Variants in PAM observed in about 807,000 individuals in gnomAD.
PAM encodes peptidyl-glycine alpha-amidating monooxygenase.
A neutral mutation model predicts 122.1 loss-of-function variants in PAM; 72 were observed. The observed-to-expected ratio is 0.59, with a 90% CI of 0.49 to 0.72. PAM has a LOEUF of 0.72. Among genes scored for constraint, PAM ranks in the 30% least tolerant of loss-of-function variants. The probability of loss-of-function intolerance (pLI) is 0.00; values close to 1 mark genes in which losing one functional copy is unlikely to be tolerated. For synonymous variants in PAM, 389 were observed against 404.4 expected (o/e 0.96, Z 0.46); for missense variants, 1,106 against 1,183.7 (o/e 0.93, Z 0.96).
intron 15 of PAM, among the ~76,000 whole-genome samples, chr5:102,976,983 C>T (rs1767883711): frequency 2.6e-5 from 4 of 152,164 alleles, no homozygotes; most frequent in Admixed American, 1.3e-4. Flanking sequence ...CTATTCAGAA[C>T]CCTGATCTGA....
intron 13 of PAM, among the ~76,000 whole-genome samples, 165 bp downstream of exon 13, chr5:102,960,224 C>T (rs1006879186): frequency 6.6e-6 from 1 of 151,946 alleles, no homozygotes; most frequent in African/African-American, 2.4e-5. Flanking sequence ...TATCCTATCT[C>T]CCCTCCCTGA....
At chr5:102,957,527 T>C (rs1267232089) in intron 12 of PAM, among the ~76,000 whole-genome samples, 1 of 151,990 alleles carries the variant, frequency 6.6e-6, no homozygotes, top group South Asian at 2.1e-4. Context: ...CTTTTTTTTT[T>C]CTTTTCTTTT....
intron 14 of PAM, among the ~76,000 whole-genome samples, chr5:102,963,915 C>T (rs1763266658): frequency 6.7e-6 from 1 of 149,680 alleles, no homozygotes; most frequent in Non-Finnish European, 1.5e-5. Flanking sequence ...TATCTTAATA[C>T]ATTGGAAAAC....
chr5:102,844,161 A>G (rs569583436), intron 1 of PAM, among the ~76,000 whole-genome samples: 132 of 152,230 alleles, frequency 8.7e-4, no homozygotes, highest in African/African-American at 3.0e-3. Context: ...AACAACTTGG[A>G]TGGATCTCAA....
intron 1 of PAM, among the ~76,000 whole-genome samples, chr5:102,758,723 G>T (rs1751397084): frequency 1.3e-5 from 2 of 152,158 alleles, no homozygotes; most frequent in African/African-American, 4.8e-5. Flanking sequence ...AACCTGAAAG[G>T]ACTGTTGTCA....
chr5:102,969,118 T>C (rs1038515643), intron 14 of PAM, among the ~76,000 whole-genome samples: 1 of 151,754 alleles, frequency 6.6e-6, no homozygotes, highest in Admixed American at 6.6e-5. Context: ...GGGATAGCAT[T>C]AGGAGGAATA....
At chr5:102,793,361 CA>C (rs1164421267) in intron 1 of PAM, among the ~76,000 whole-genome samples, 8 of 135,456 alleles carry the variant, frequency 5.9e-5, no homozygotes, top group Admixed American at 2.9e-4. Context: ...CCTGTCTCTT[CA>C]AAAAAAAATG....
chr5:102,897,989 A>G (rs1796656855), intron 3 of PAM, among the ~76,000 whole-genome samples: 2 of 151,648 alleles, frequency 1.3e-5, no homozygotes, highest in African/African-American at 4.8e-5. Context: ...AACTAAATCA[A>G]AATAAAGAAT....
intron 3 of PAM, among the ~76,000 whole-genome samples, chr5:102,885,486 G>C (rs572029950): frequency 6.6e-6 from 1 of 152,106 alleles, no homozygotes; most frequent in African/African-American, 2.4e-5. Flanking sequence ...GGCAGACACA[G>C]TAGATGTAAG....
intron 4 of PAM, among the ~76,000 whole-genome samples, chr5:102,903,395 A>G (rs1798565445): frequency 6.6e-6 from 1 of 151,606 alleles, no homozygotes; most frequent in South Asian, 2.1e-4. Context: ...ACAATTAGCA[A>G]ATAATCATTT....
At chr5:102,780,743 TTCTTTCTTTC>T (rs1758528377) in intron 1 of PAM, among the ~76,000 whole-genome samples, 2 of 143,600 alleles carry the variant, frequency 1.4e-5, no homozygotes, top group South Asian at 2.2e-4. Context: ...CAGCACCTTT[TTCTTTCTTTC>T]TCTTTCTTTC....
chr5:102,760,826 C>T lies in PAM; in HGVS notation c.-374+5478C>T, dbSNP rs1226322618. ...TAACCTATACAGTACTTAGTTCAGGCCTCTTGGGGAAAAGAAAAGTGGAAA... is the reference window on the plus strand; with the variant it reads ...TAACCTATACAGTACTTAGTTCAGGTCTCTTGGGGAAAAGAAAAGTGGAAA... On this transcript the variant is annotated intron_variant, in intron 1 of 25. Coordinates refer to ENST00000438793, the MANE Select transcript of PAM (RefSeq NM_001177306.2). Among the ~76,000 whole-genome samples the T allele has an allele frequency of 2.0e-5, 3 of 152,216 alleles. No individual in the cohort carries two copies. In the East Asian group the frequency reaches 5.8e-4, roughly 29 times the overall value.
chr5:102,987,396 G>C, intron 15 of PAM: 1 of 340,434 alleles, frequency 2.9e-6, no homozygotes, highest in Non-Finnish European at 5.8e-6. Flanking sequence ...GAAAGATTCA[G>C]GGGAATGGAG....
chr5:102,925,338 C>A (rs1749048582), intron 6 of PAM, among the ~76,000 whole-genome samples: 1 of 152,182 alleles, frequency 6.6e-6, no homozygotes, highest in African/African-American at 2.4e-5. Context: ...TGACAGCAGA[C>A]ACATTTCATG....
intron 3 of PAM, among the ~76,000 whole-genome samples, chr5:102,891,841 G>A (rs1209054205): frequency 6.6e-6 from 1 of 151,816 alleles, no homozygotes; most frequent in Non-Finnish European, 1.5e-5. Context: ...TCAATACATT[G>A]AAATGGGCCT....
At chr5:102,943,168 A>C (rs532641231) in intron 7 of PAM, among the ~76,000 whole-genome samples, 6 of 152,298 alleles carry the variant, frequency 3.9e-5, no homozygotes, top group Admixed American at 2.0e-4. Context: ...TTATTGAAGC[A>C]GGAAACAACC....
chr5:102,976,092 T>C (rs1582429229), intron 15 of PAM, among the ~76,000 whole-genome samples: 1 of 152,164 alleles, frequency 6.6e-6, no homozygotes, highest in African/African-American at 2.4e-5. Context: ...TTTAGGGAAA[T>C]TTCCTTCCTG....
At chr5:102,784,407 C>T (rs184021873) in intron 1 of PAM, among the ~76,000 whole-genome samples, 11 of 152,254 alleles carry the variant, frequency 7.2e-5, no homozygotes, top group African/African-American at 2.4e-4. Context: ...TCCTTGGCAC[C>T]GTAAGCTTGG....
At chr5:102,853,247 T>C (rs949309863) in intron 1 of PAM, among the ~76,000 whole-genome samples, 1 of 152,244 alleles carries the variant, frequency 6.6e-6, no homozygotes, top group Non-Finnish European at 1.5e-5. Context: ...CAAATTGTTA[T>C]TCCTGATTAG....
Sources: gnomAD v4.1 joint callset for allele counts (sites outside exome capture counted in the v4.1 genomes callset) on GRCh38, gnomAD v4.1.1 for gene constraint, MANE v1.5 for transcripts, NCBI Gene and HGNC (gene_info 2026-07-23, HGNC 2026-07-21) for gene names.